Variants in PHKB observed in about 807,000 individuals in gnomAD.
PHKB encodes phosphorylase b kinase regulatory subunit beta.
Under a neutral mutation model 152.1 loss-of-function variants are expected in PHKB, and 122 were observed. The observed-to-expected ratio is 0.80, with a 90% CI of 0.69 to 0.93. PHKB has a LOEUF of 0.93. Among genes scored for constraint, PHKB ranks in the 40% least tolerant of loss-of-function variants. The pLI is 0.00. For missense variants in PHKB, 1,304 were observed against 1,328.4 expected (o/e 0.98, Z 0.29); for synonymous variants, 436 against 464.9 (o/e 0.94, Z 0.80).
At chr16:47,530,085 C>G (rs1970834996) in intron 6 of PHKB, among the ~76,000 whole-genome samples, 1 of 151,194 alleles carries the variant, frequency 6.6e-6, no homozygotes, top group Non-Finnish European at 1.5e-5. Flanking sequence ...AGAATCAGAC[C>G]CTTTAGTTTG....
chr16:47,649,316 G>A, intron 18 of PHKB, 112 bp downstream of exon 18: 5 of 747,050 alleles, frequency 6.7e-6, no homozygotes, highest in Non-Finnish European at 1.2e-5. Flanking sequence ...TTAACACAGT[G>A]TAAAGCATGA....
chr16:47,557,933 A>C (rs920669377), intron 7 of PHKB, among the ~76,000 whole-genome samples: 4 of 152,166 alleles, frequency 2.6e-5, no homozygotes, highest in African/African-American at 9.7e-5. Flanking sequence ...ACACATGCAC[A>C]CATATGTTTA....
intron 7 of PHKB, among the ~76,000 whole-genome samples, chr16:47,573,007 T>C (rs1018832913): frequency 5.3e-5 from 8 of 152,136 alleles, no homozygotes; most frequent in African/African-American, 1.9e-4. Context: ...GTGGGCACCA[T>C]ACTGGATGCG....
rs771785751 is a variant in PHKB at position 47,640,999 on chromosome 16, T to C, written c.1459-36T>C. 11 of 1,579,042 alleles carry C rather than the reference T, an allele frequency of 7.0e-6. No individual in the cohort carries two copies. In the South Asian group the frequency reaches 1.2e-4, roughly 17 times the overall value. ...TGTAGCTGATGATGACCAGATCTTTTAAAATGTTTTCCCCCTCCCTTATTC... is the reference window on the plus strand; with the variant it reads ...TGTAGCTGATGATGACCAGATCTTTCAAAATGTTTTCCCCCTCCCTTATTC... On this transcript the variant is annotated intron_variant, in intron 14 of 30. Coordinates refer to ENST00000323584, the MANE Select transcript of PHKB (RefSeq NM_000293.3).
intron 4 of PHKB, among the ~76,000 whole-genome samples, chr16:47,511,032 T>G (rs539523442): frequency 6.6e-6 from 1 of 152,340 alleles, no homozygotes; most frequent in East Asian, 1.9e-4. Context: ...AGAGTTTTTC[T>G]GTTGGATTAT....
intron 25 of PHKB, chr16:47,665,812 C>T: frequency 2.7e-6 from 2 of 736,642 alleles, no homozygotes; most frequent in Admixed American, 2.0e-5. Context: ...ATGTCCTGGG[C>T]AGTGTTTCCT....
intron 4 of PHKB, among the ~76,000 whole-genome samples, chr16:47,504,974 GGAAGTCCCTA>G (rs1567282957): frequency 6.6e-6 from 1 of 152,232 alleles, no homozygotes; most frequent in East Asian, 1.9e-4. Flanking sequence ...GGAAACTAGT[GGAAGTCCCTA>G]GCAGTCCTGA....
intron 13 of PHKB, among the ~76,000 whole-genome samples, chr16:47,604,603 G>A (rs976268578): frequency 6.6e-6 from 1 of 152,220 alleles, no homozygotes; most frequent in East Asian, 1.9e-4. Context: ...TATCTGCTGA[G>A]CCTATTTTAG....
At chr16:47,606,472 G>A (rs1022048982) in intron 13 of PHKB, among the ~76,000 whole-genome samples, 2 of 152,120 alleles carry the variant, frequency 1.3e-5, no homozygotes, top group African/African-American at 4.8e-5. Flanking sequence ...CAAAGATCAA[G>A]AATGAAATAA....
chr16:47,580,317 G>A lies in PHKB; in HGVS notation c.733G>A (p.Ala245Thr), dbSNP rs773845023. 6 of 1,612,810 alleles carry A rather than the reference G, an allele frequency of 3.7e-6. No individual in the cohort carries two copies. In the Admixed American group the frequency reaches 6.7e-5, roughly 18 times the overall value. Residue 245 changes from alanine to threonine, a missense_variant, in exon 8 of 31, where the codon GCT (alanine) becomes ACT (threonine). Transcript: ENST00000323584. ...HSSSVGLAKA[A>T]LEAINGFNLF... ...TAGCTCGGTTGGTTTAGCAAAAGCA[G>A]CTCTAGAAGCAATTAATGGATTCAA...
At chr16:47,495,741 A>G (rs1046948178) in intron 1 of PHKB, among the ~76,000 whole-genome samples, 1 of 152,116 alleles carries the variant, frequency 6.6e-6, no homozygotes, top group Non-Finnish European at 1.5e-5. Context: ...CTAGTTGAAT[A>G]CAGGAAGGCA....
At chr16:47,485,564 G>A (rs1482111316) in intron 1 of PHKB, among the ~76,000 whole-genome samples, 2 of 152,150 alleles carry the variant, frequency 1.3e-5, no homozygotes, top group Admixed American at 1.3e-4. Context: ...CCTGAACACT[G>A]CTTCTTGGTC....
chr16:47,544,227 T>A (rs1971116426), intron 6 of PHKB, among the ~76,000 whole-genome samples: 1 of 152,238 alleles, frequency 6.6e-6, no homozygotes, highest in Non-Finnish European at 1.5e-5. Context: ...AGGCATTTAG[T>A]GCTATAAATT....
intron 1 of PHKB, among the ~76,000 whole-genome samples, chr16:47,472,981 A>G (rs2151629083): frequency 6.6e-6 from 1 of 151,972 alleles, no homozygotes; most frequent in Middle Eastern, 3.4e-3. Context: ...GTAACTGCAT[A>G]TATTACATAT....
At chr16:47,461,559 G>T in intron 1 of PHKB, 133 bp downstream of exon 1, 1 of 900,088 alleles carries the variant, frequency 1.1e-6, no homozygotes, top group Non-Finnish European at 1.8e-6. Context: ...AAAGCAGGTG[G>T]CGGCCCTGGC....
chr16:47,554,738 T>C (rs527579436), intron 7 of PHKB, among the ~76,000 whole-genome samples: 4 of 152,286 alleles, frequency 2.6e-5, no homozygotes, highest in African/African-American at 9.6e-5. Flanking sequence ...CCTCGCAGCA[T>C]AGTCCCTCAC....
chr16:47,632,268 T>C (rs1043455131), intron 14 of PHKB, among the ~76,000 whole-genome samples: 4 of 152,218 alleles, frequency 2.6e-5, no homozygotes, highest in African/African-American at 9.6e-5. Flanking sequence ...GGTGCCACTG[T>C]GTAACCATAA....
chr16:47,518,433 G>A (rs926727715), intron 6 of PHKB, among the ~76,000 whole-genome samples: 1 of 152,142 alleles, frequency 6.6e-6, no homozygotes, highest in Admixed American at 6.5e-5. Context: ...TTGGGAGAGG[G>A]CCATGGTCTT....
At chr16:47,570,733 T>A (rs1229998686) in intron 7 of PHKB, among the ~76,000 whole-genome samples, 1 of 152,044 alleles carries the variant, frequency 6.6e-6, no homozygotes, top group African/African-American at 2.4e-5. Context: ...TTGGATCTCA[T>A]TGAGTAACTT....
Sources: gnomAD v4.1 joint callset for allele counts (sites outside exome capture counted in the v4.1 genomes callset) on GRCh38, gnomAD v4.1.1 for gene constraint, MANE v1.5 for transcripts, NCBI Gene and HGNC (gene_info 2026-07-23, HGNC 2026-07-21) for gene names.